BRF1: variants seen among roughly 807,000 people sequenced by gnomAD.
The protein encoded by BRF1 is BRF1 general transcription factor IIIB subunit.
Under a neutral mutation model 81.7 loss-of-function variants are expected in BRF1, and 59 were observed. The observed-to-expected ratio is 0.72, with a 90% CI of 0.59 to 0.90. The LOEUF (loss-of-function observed/expected upper bound fraction) is 0.90, where lower values mean the gene tolerates loss of function less well. BRF1 is among the 40% of genes least tolerant of loss of function. The pLI is 0.00. For synonymous variants in BRF1, 491 were observed against 395.6 expected, an observed-to-expected ratio of 1.24 and a Z score of -2.86; for missense variants, 1,050 against 936.3, an observed-to-expected ratio of 1.12 and a Z score of -1.58.
chr14:105,268,984 CCCAG>C (rs926408851), intron 3 of BRF1, among the ~76,000 whole-genome samples: 2 of 152,156 alleles, frequency 1.3e-5, no homozygotes, highest in African/African-American at 4.8e-5. Context: ...AGCACATGAG[CCCAG>C]CCAGCCAGCT....
At chr14:105,298,629 C>A (rs1025979164) in intron 1 of BRF1, among the ~76,000 whole-genome samples, 1 of 151,690 alleles carries the variant, frequency 6.6e-6, no homozygotes, top group Non-Finnish European at 1.5e-5. Context: ...CTGAGGCAGG[C>A]GGATCACTTG....
At chr14:105,229,034 G>C in intron 6 of BRF1, 121 bp from the exon 7 acceptor site, 5 of 856,736 alleles carry the variant, frequency 5.8e-6, no homozygotes, top group Non-Finnish European at 3.9e-6. Context: ...AGACGTGTCT[G>C]TGCCAGGCAG....
At chr14:105,310,086 G>A (rs909500138) in intron 1 of BRF1, among the ~76,000 whole-genome samples, 1 of 151,738 alleles carries the variant, frequency 6.6e-6, no homozygotes, top group Non-Finnish European at 1.5e-5. Context: ...ACCCAGCCAT[G>A]TGCATCTTTT....
chr14:105,228,992 C>G (rs1882847), intron 6 of BRF1, 79 bp from the exon 7 acceptor site: 1 of 1,298,424 alleles, frequency 7.7e-7, no homozygotes, highest in Non-Finnish European at 1.1e-6. Context: ...GACAACACTG[C>G]GGATCCCGGT....
chr14:105,226,242 G>A lies in BRF1; in HGVS notation c.955+9C>T, dbSNP rs188919215. The stretch of plus-strand genomic sequence containing the variant: ...ACAGAAGCATTACATGGGAAGATTG[G>A]TTGGTTACCTTCAACCTCCTCCAGT... On this transcript the variant is annotated intron_variant, in intron 9 of 17. Coordinates refer to ENST00000547530, the MANE Select transcript of BRF1 (RefSeq NM_001519.4). The A allele has an allele frequency of 3.7e-5, 59 of 1,614,114 alleles. No homozygotes were observed. In the African/African-American group the frequency reaches 6.5e-4, roughly 18 times the overall value.
intron 1 of BRF1, chr14:105,314,874 C>T (rs941838542): frequency 1.1e-6 from 1 of 916,794 alleles, no homozygotes; most frequent in Non-Finnish European, 1.3e-6. Flanking sequence ...CGTCCGCGGC[C>T]CGGCCGCAGC....
chr14:105,225,164 G>A (rs887488560), intron 10 of BRF1, among the ~76,000 whole-genome samples: 2 of 152,184 alleles, frequency 1.3e-5, no homozygotes, highest in African/African-American at 4.8e-5. Context: ...GCTGGGCCAG[G>A]TCTCTCACCC....
intron 5 of BRF1, chr14:105,250,307 G>A (rs1243854251): frequency 6.2e-7 from 1 of 1,613,192 alleles, no homozygotes; most frequent in African/African-American, 1.3e-5. Context: ...GTTTGCAGTG[G>A]ACAGAAGGGT....
intron 1 of BRF1, among the ~76,000 whole-genome samples, chr14:105,298,746 T>C (rs2057844928): frequency 6.6e-6 from 1 of 152,056 alleles, no homozygotes; most frequent in African/African-American, 2.4e-5. Context: ...TCCCAGGTAC[T>C]TGGGAGGCTG....
chr14:105,272,775 C>G lies in BRF1; in HGVS notation c.385G>C (p.Ala129Pro), dbSNP rs1312110330. The change falls in exon 3 of 18, where the codon GCC becomes CCC. Residue 129 changes from alanine (A) to proline (P), a missense_variant. Ala to Pro is a conservative substitution (Grantham distance 27). Transcript: ENST00000547530. ...TAGAGGCAGGCAGCAATCACGTGGG[C>G]CATCTTCCGGCCGCGGGTCAGGTGC... Reference protein sequence around the residue: ...SRHLTRGRKMAHVIAACLYLV... With the variant: ...SRHLTRGRKMPHVIAACLYLV... The G allele has an allele frequency of 6.2e-7, 1 of 1,613,948 alleles. No individual in the cohort carries two copies. Among genetic ancestry groups the G allele is most frequent in the South Asian group, 1.1e-5 (1 of 91,082 alleles).
intron 7 of BRF1, chr14:105,227,964 A>G (rs1433315654): frequency 6.6e-6 from 1 of 152,216 alleles, no homozygotes; most frequent in Non-Finnish European, 1.5e-5. Context: ...TTACCTTGTC[A>G]AAGTCTATGA....
At chr14:105,249,052 G>A (rs1407072673) in intron 5 of BRF1, 8 of 1,290,356 alleles carry the variant, frequency 6.2e-6, no homozygotes, top group Non-Finnish European at 6.8e-6. Context: ...GAGAGCCCCG[G>A]CTGGCGGTGC....
intron 2 of BRF1, among the ~76,000 whole-genome samples, chr14:105,282,529 A>G (rs587723091): frequency 6.6e-6 from 1 of 152,382 alleles, no homozygotes; most frequent in East Asian, 1.9e-4. Context: ...CAGGGCTGAT[A>G]TGAAAACTTC....
chr14:105,211,443 T>C (rs1303164805), intron 16 of BRF1, 150 bp from the exon 17 acceptor site: 4 of 650,322 alleles, frequency 6.2e-6, no homozygotes, highest in African/African-American at 3.7e-5. Flanking sequence ...CCAGGCCCAC[T>C]GGCCCCTTCT....
chr14:105,247,853 C>A, intron 5 of BRF1: 2 of 985,704 alleles, frequency 2.0e-6, no homozygotes, highest in Non-Finnish European at 2.4e-6. Context: ...GAAGTCTGGT[C>A]TCCTCATCAG....
At chr14:105,296,105 CAAG>C (rs1307881148) in intron 1 of BRF1, among the ~76,000 whole-genome samples, 1 of 141,406 alleles carries the variant, frequency 7.1e-6, no homozygotes, top group African/African-American at 2.7e-5. Flanking sequence ...AAAAAAAACT[CAAG>C]GAGTGTATTA....
rs765115185 is a variant in BRF1 at position 105,221,777 on chromosome 14, C to T, written c.1186G>A (p.Ala396Thr). The change falls in exon 11 of 18, where the codon GCA becomes ACA. Residue 396 changes from alanine (A) to threonine (T), a missense_variant. Around this residue, in one of 2 missense-constraint regions of BRF1, gnomAD observed 1,043 missense variants for 915.4 expected, o/e 1.14. Coordinates refer to ENST00000547530, the MANE Select transcript of BRF1 (RefSeq NM_001519.4). ...CTGCCGCCCCACTCGGGGCTTCCTG[C>T]TGCTTCCGAGCTGCCGGGGGCACCA... ...LGGAPGSSEAAGSPEWGGRPP... is the reference protein window; with the variant it reads ...LGGAPGSSEATGSPEWGGRPP... 6.2e-7 allele frequency: 1 copy of T among 1,611,722 alleles called. No homozygotes were observed. The highest frequency in any genetic ancestry group is 1.3e-5 in the African/African-American group (1 of 74,916).
chr14:105,281,681 T>C (rs2057111752), intron 2 of BRF1, among the ~76,000 whole-genome samples: 1 of 151,440 alleles, frequency 6.6e-6, no homozygotes. Flanking sequence ...GTGCTCAGAG[T>C]CTACAGGAAC....
At chr14:105,304,318 A>G (rs1376220919), upstream of BRF1, among the ~76,000 whole-genome samples, 1 of 152,090 alleles carries the variant, frequency 6.6e-6, no homozygotes, top group Non-Finnish European at 1.5e-5. Flanking sequence ...GGTGAAACCC[A>G]TCTTTCCAAA....
Sources: allele counts gnomAD v4.1 joint callset (sites outside exome capture counted in the v4.1 genomes callset), GRCh38; gene constraint gnomAD v4.1.1; regional missense constraint gnomAD v4.1.1; transcripts MANE v1.5; gene names NCBI Gene and HGNC (gene_info 2026-07-23, HGNC 2026-07-21).